The following GIGYF2 variants were observed in gnomAD, a reference collection of about 807,000 sequenced individuals.
The protein encoded by GIGYF2 is GRB10 interacting GYF protein 2.
In GIGYF2, 25 loss-of-function variants were observed where a neutral mutation model predicts 208.1. The ratio of observed to expected loss-of-function variants is 0.12; its 90% CI spans 0.09 to 0.17. The LOEUF is 0.17. GIGYF2 is among the 10% of genes least tolerant of loss of function. The pLI is 1.00. For synonymous variants in GIGYF2, 534 were observed against 543.8 expected, an observed-to-expected ratio of 0.98 and a Z score of 0.25; for missense variants, 1,302 against 1,579.4, an observed-to-expected ratio of 0.82 and a Z score of 2.98.
At chr2:232,808,106 T>C (rs1700615861) in intron 15 of GIGYF2, among the ~76,000 whole-genome samples, 1 of 152,208 alleles carries the variant, frequency 6.6e-6, no homozygotes, top group Non-Finnish European at 1.5e-5. Context: ...AATCCACTAA[T>C]GTGTTGAGAC....
intron 3 of GIGYF2, among the ~76,000 whole-genome samples, chr2:232,746,752 G>C (rs1698165841): frequency 6.6e-6 from 1 of 152,002 alleles, no homozygotes; most frequent in Non-Finnish European, 1.5e-5. Context: ...TGCATTTTCA[G>C]ATTCTCTACA....
intron 8 of GIGYF2, among the ~76,000 whole-genome samples, chr2:232,782,417 A>G (rs1699749751): frequency 6.6e-6 from 1 of 152,210 alleles, no homozygotes; most frequent in Non-Finnish European, 1.5e-5. Context: ...AGTTGAGCAT[A>G]CTGTGACCTG....
intron 18 of GIGYF2, among the ~76,000 whole-genome samples, chr2:232,813,359 G>A (rs1700798789): frequency 1.6e-5 from 2 of 122,826 alleles, no homozygotes; most frequent in Admixed American, 8.2e-5. Flanking sequence ...CTGGGTGTAC[G>A]CTATCACACC....
chr2:232,836,303 T>A (rs898710324), intron 22 of GIGYF2, among the ~76,000 whole-genome samples: 32 of 17,770 alleles, frequency 1.8e-3, no homozygotes, highest in African/African-American at 4.0e-3. Context: ...TATATATATA[T>A]ATATATATAT....
chr2:232,808,974 T>G (rs1049262272), intron 15 of GIGYF2, among the ~76,000 whole-genome samples: 3 of 152,198 alleles, frequency 2.0e-5, no homozygotes, highest in African/African-American at 7.2e-5. Flanking sequence ...AGACGGAGTC[T>G]TGCTCTGTCA....
chr2:232,706,060 A>G (rs983072747), intron 2 of GIGYF2: 1 of 152,210 alleles, frequency 6.6e-6, no homozygotes, highest in Non-Finnish European at 1.5e-5. Flanking sequence ...TGCTTAACTA[A>G]TATTTCATTA....
intron 2 of GIGYF2, among the ~76,000 whole-genome samples, chr2:232,720,583 ATT>A (rs1553605416): frequency 6.2e-5 from 9 of 144,970 alleles, no homozygotes; most frequent in South Asian, 2.4e-4. Flanking sequence ...ATATATATAT[ATT>A]TTTGTTTGTT....
chr2:232,733,335 G>T lies in GIGYF2; in HGVS notation c.-43-1820G>T, dbSNP rs548778783. ...TAGTCTGGTTTGCACCTTTTGTGTG[G>T]TGGGGGAGCAGGGAGTCAGGGTCAA... On this transcript the variant is annotated intron_variant, in intron 2 of 28. Coordinates refer to ENST00000373563, the MANE Select transcript of GIGYF2 (RefSeq NM_001103146.3). 3.9e-4 allele frequency among the ~76,000 whole-genome samples: 60 copies of T among 152,168 alleles called. 1 individual carries two copies. The South Asian group carries it at 0.012, about 30-fold the overall frequency.
chr2:232,832,718 A>G, intron 21 of GIGYF2, 139 bp from the exon 22 acceptor site: 2 of 664,790 alleles, frequency 3.0e-6, no homozygotes, highest in Non-Finnish European at 5.3e-6. Flanking sequence ...GGTTACTTCT[A>G]CCTTGCATCA....
intron 2 of GIGYF2, chr2:232,724,771 T>G (rs978351909): frequency 3.3e-5 from 5 of 152,120 alleles, no homozygotes; most frequent in Non-Finnish European, 7.3e-5. Context: ...TAGGCTGATC[T>G]CAAACTTCTG....
intron 3 of GIGYF2, among the ~76,000 whole-genome samples, chr2:232,743,135 C>A (rs930451571): frequency 2.0e-5 from 3 of 152,086 alleles, no homozygotes; most frequent in African/African-American, 7.2e-5. Context: ...TTATTTACTA[C>A]CCATGGTAGA....
intron 2 of GIGYF2, chr2:232,729,500 A>C (rs769574537): frequency 6.4e-5 from 76 of 1,196,300 alleles, no homozygotes; most frequent in Non-Finnish European, 8.2e-5. Context: ...CTTTTATTTA[A>C]ATGCCATGAC....
intron 3 of GIGYF2, chr2:232,735,859 A>G (rs1340923755): frequency 5.2e-5 from 51 of 984,904 alleles, no homozygotes; most frequent in Admixed American, 6.2e-5. Flanking sequence ...TTTTTCCCCA[A>G]AGTTGGTGAT....
At chr2:232,768,802 C>A (rs1346773854) in intron 8 of GIGYF2, 1 of 1,604,324 alleles carries the variant, frequency 6.2e-7, no homozygotes, top group Non-Finnish European at 8.5e-7. Flanking sequence ...GCAATCTTCG[C>A]CACAAAAGCA....
chr2:232,794,063 A>G (rs1360010401), intron 12 of GIGYF2, among the ~76,000 whole-genome samples: 1 of 152,218 alleles, frequency 6.6e-6, no homozygotes, highest in African/African-American at 2.4e-5. Flanking sequence ...AGGAGCAGGA[A>G]TTTGGAGAAG....
intron 22 of GIGYF2, among the ~76,000 whole-genome samples, chr2:232,836,295 TA>T (rs1559160401): frequency 0.02 from 625 of 31,884 alleles, 96 homozygotes; most frequent in Middle Eastern, 0.054. Flanking sequence ...TATATATATA[TA>T]TATATATATA....
At chr2:232,724,023 T>C (rs965910672) in intron 2 of GIGYF2, among the ~76,000 whole-genome samples, 1 of 151,546 alleles carries the variant, frequency 6.6e-6, no homozygotes, top group Non-Finnish European at 1.5e-5. Flanking sequence ...TATGAGCCAC[T>C]GCGCCCAGCC....
At chr2:232,851,418 TTTTTTC>T (rs751107616) in intron 28 of GIGYF2, among the ~76,000 whole-genome samples, 14 of 152,018 alleles carry the variant, frequency 9.2e-5, no homozygotes, top group African/African-American at 1.7e-4. Flanking sequence ...CTAACATTTT[TTTTTTC>T]TTTTTCTTTT....
chr2:232,735,266 G>A, intron 3 of GIGYF2, 28 bp downstream of exon 3: 1 of 1,501,116 alleles, frequency 6.7e-7, no homozygotes, highest in Non-Finnish European at 9.3e-7. Context: ...CATCTTCTTT[G>A]ATATTGGATG....
Sources: allele counts gnomAD v4.1 joint callset (sites outside exome capture counted in the v4.1 genomes callset), GRCh38; gene constraint gnomAD v4.1.1; transcripts MANE v1.5; gene names NCBI Gene and HGNC (gene_info 2026-07-23, HGNC 2026-07-21).